The following ZNF91 variants were observed in gnomAD, a reference collection of about 807,000 sequenced individuals.
ZNF91 encodes zinc finger protein 91 (HPF7, HTF10).
Under a neutral mutation model 12.6 loss-of-function variants are expected in ZNF91, and 7 were observed. That is an observed-to-expected ratio of 0.55 (90% CI 0.31 to 1.04). The LOEUF (loss-of-function observed/expected upper bound fraction) is 1.04. ZNF91 is among the 50% of genes least tolerant of loss of function. The pLI is 0.05. For missense variants in ZNF91, 1,217 were observed against 1,385.4 expected, an observed-to-expected ratio of 0.88 and a Z score of 1.93; for synonymous variants, 453 against 462.6, an observed-to-expected ratio of 0.98 and a Z score of 0.27.
Position 23,362,660 on chromosome 19 carries a change from C to T in ZNF91, c.319G>A (p.Val107Ile). The T allele has an allele frequency of 6.4e-7, 1 of 1,556,232 alleles. No individual in the cohort carries two copies. The highest frequency in any genetic ancestry group is 8.6e-7 in the Non-Finnish European group (1 of 1,158,136). The change falls in exon 4 of 4, where the codon GTA becomes ATA. Residue 107 changes from valine (V) to isoleucine (I), a missense_variant. This residue lies in a region of ZNF91 where 726 missense variants were observed against 895.5 expected (regional missense o/e 0.81). Transcript: ENST00000300619. ...CATTTTTCATATTTTCTCAGTAATA[C>T]TTTTTGAAAAGAATCTTCCATGCTC... ...EQSMEDSFQK[V>I]LLRKYEKCGH... is the part of the protein sequence containing the mutation.
At chr19:23,322,037 G>A (rs1160295418) in intron 1 of ZNF91, among the ~76,000 whole-genome samples, 1 of 152,196 alleles carries the variant, frequency 6.6e-6, no homozygotes. Context: ...TGTAGGAGAT[G>A]ACACTCTCCT....
intron 1 of ZNF91, among the ~76,000 whole-genome samples, chr19:23,389,886 T>C (rs1970002932): frequency 6.6e-6 from 1 of 152,210 alleles, no homozygotes; most frequent in Admixed American, 6.5e-5. Flanking sequence ...TCACAAACTC[T>C]ATAAGCCCAT....
downstream of ZNF91, among the ~76,000 whole-genome samples, chr19:23,337,561 G>A (rs1968038949): frequency 6.8e-6 from 1 of 147,936 alleles, no homozygotes; most frequent in South Asian, 2.1e-4. Flanking sequence ...TCAATATAAA[G>A]ACACATAAAG....
At chr19:23,387,911 T>G (rs1338461811) in intron 1 of ZNF91, among the ~76,000 whole-genome samples, 5 of 129,078 alleles carry the variant, frequency 3.9e-5, no homozygotes, top group Admixed American at 8.4e-5. Context: ...CTATTGCACT[T>G]CATTCTAGAC....
At chr19:23,333,837 G>A (rs1486674886), downstream of ZNF91, among the ~76,000 whole-genome samples, 1 of 152,162 alleles carries the variant, frequency 6.6e-6, no homozygotes, top group Non-Finnish European at 1.5e-5. Context: ...ATAGTGGAAA[G>A]CAATGTGGAT....
At chr19:23,392,954 T>A (rs1033542309) in intron 1 of ZNF91, among the ~76,000 whole-genome samples, 3 of 152,148 alleles carry the variant, frequency 2.0e-5, no homozygotes, top group African/African-American at 7.2e-5. Flanking sequence ...TAACCCCCTC[T>A]CAGGAGACTC....
rs1353722935 is a variant in ZNF91 at position 23,380,034 on chromosome 19, A to G, written c.31-5270T>C. ...CACTTTAGGAGGTTGAGGTGGGCAG[A>G]TCATGAGGTCAAGAGTTCAAGAGCA... On this transcript the variant is annotated intron_variant, in intron 1 of 3. Coordinates refer to ENST00000300619, the MANE Select transcript of ZNF91 (RefSeq NM_003430.4). Among the ~76,000 whole-genome samples, 93 of 152,124 alleles carry G rather than the reference A, an allele frequency of 6.1e-4. 2 individuals carry two copies.
At chr19:23,345,747 C>T (rs1968211575) in intron 3 of ZNF91, among the ~76,000 whole-genome samples, 1 of 152,118 alleles carries the variant, frequency 6.6e-6, no homozygotes, top group Non-Finnish European at 1.5e-5. Context: ...ATCTTCTCAG[C>T]AGCAATATTC....
chr19:23,392,398 A>G (rs981974842), intron 1 of ZNF91, among the ~76,000 whole-genome samples: 2 of 141,094 alleles, frequency 1.4e-5, no homozygotes, highest in African/African-American at 5.3e-5. Context: ...CTCCATCTCA[A>G]AAAAAAAAAA....
At chr19:23,306,637 T>C (rs1280967035) in intron 3 of ZNF91, among the ~76,000 whole-genome samples, 2 of 152,222 alleles carry the variant, frequency 1.3e-5, no homozygotes, top group East Asian at 1.9e-4. Flanking sequence ...TATATAACTC[T>C]TGTGCCCTGG....
At position 23,387,263 on chromosome 19, in the gene ZNF91, C is replaced by T. The variant is rs193210115; in HGVS notation, c.30+8062G>A. On this transcript the variant is annotated intron_variant, in intron 1 of 3. Transcript: ENST00000300619. Reference sequence around the variant, plus strand: ...CCTCACAGAACTAAAAACAGAATTACCATTTCACCAAGCAACCTCATCACT... The same window carrying T: ...CCTCACAGAACTAAAAACAGAATTATCATTTCACCAAGCAACCTCATCACT... Among the ~76,000 whole-genome samples, 221 of 152,330 alleles carry T rather than the reference C, an allele frequency of 1.5e-3. 2 individuals are homozygous for T. Among genetic ancestry groups the T allele is most frequent in the Non-Finnish European group, 2.5e-3 (168 of 68,038 alleles).
chr19:23,366,725 A>G (rs1224043707), intron 3 of ZNF91, among the ~76,000 whole-genome samples: 1 of 152,246 alleles, frequency 6.6e-6, no homozygotes, highest in African/African-American at 2.4e-5. Context: ...TTGAATTAAT[A>G]AAGTGCACAC....
intron 1 of ZNF91, among the ~76,000 whole-genome samples, chr19:23,322,697 T>C (rs1294995646): frequency 1.3e-5 from 2 of 149,124 alleles, no homozygotes; most frequent in Non-Finnish European, 3.0e-5. Flanking sequence ...CTTTTCGTCT[T>C]CTCCTCCTCA....
intron 1 of ZNF91, among the ~76,000 whole-genome samples, chr19:23,321,328 G>A (rs939988225): frequency 4.6e-5 from 7 of 152,230 alleles, no homozygotes; most frequent in Middle Eastern, 3.4e-3. Flanking sequence ...CTCAGGTGAC[G>A]TAAGTTTTCT....
intron 3 of ZNF91, among the ~76,000 whole-genome samples, chr19:23,369,434 C>T (rs540634857): frequency 1.2e-4 from 19 of 152,046 alleles, no homozygotes; most frequent in South Asian, 4.2e-4. Context: ...AGGTGGAGGG[C>T]GCCTCTGCCC....
chr19:23,343,309 C>A (rs1168599832), intron 3 of ZNF91, among the ~76,000 whole-genome samples: 5 of 152,122 alleles, frequency 3.3e-5, no homozygotes, highest in East Asian at 1.9e-4. Context: ...TGAGATGAGA[C>A]CTGAGTTACT....
chr19:23,335,273 G>A (rs1007156633), downstream of ZNF91, among the ~76,000 whole-genome samples: 5 of 152,224 alleles, frequency 3.3e-5, no homozygotes, highest in African/African-American at 1.2e-4. Context: ...TCGGGGGTCA[G>A]GGAGCCACTT....
chr19:23,335,243 T>A (rs763586840), downstream of ZNF91, among the ~76,000 whole-genome samples: 2 of 151,842 alleles, frequency 1.3e-5, no homozygotes, highest in Non-Finnish European at 2.9e-5. Context: ...CTACAGGGAG[T>A]TGTCTCCCAG....
In ZNF91 at chr19:23,388,932, A is replaced by G. The variant is rs560955004; in HGVS notation, c.30+6393T>C. 2.4e-4 allele frequency among the ~76,000 whole-genome samples: 36 copies of G among 152,328 alleles called. No individual in the cohort carries two copies. The South Asian group carries it at 7.3e-3, about 31-fold the overall frequency. On this transcript the variant is annotated intron_variant, in intron 1 of 3. Coordinates refer to ENST00000300619, the MANE Select transcript of ZNF91 (RefSeq NM_003430.4). The stretch of plus-strand genomic sequence containing the variant: ...ATGGAAAACCAAATGCATGTTATTT[A>G]TAAGTAAGAGCTAAATAATAAAAAC...
Sources: allele counts gnomAD v4.1 joint callset (sites outside exome capture counted in the v4.1 genomes callset), GRCh38; gene constraint gnomAD v4.1.1; regional missense constraint gnomAD v4.1.1; transcripts MANE v1.5; gene names NCBI Gene and HGNC (gene_info 2026-07-23, HGNC 2026-07-21).